The following HNRNPUL1 variants were observed in gnomAD, a reference collection of about 807,000 sequenced individuals.
HNRNPUL1 encodes the protein heterogeneous nuclear ribonucleoprotein U like 1.
A neutral mutation model predicts 108.5 loss-of-function variants in HNRNPUL1; 14 were observed. The observed-to-expected ratio is 0.13, with a 90% CI of 0.09 to 0.20. The LOEUF is 0.20. HNRNPUL1 is among the 10% of genes least tolerant of loss of function. HNRNPUL1 has a pLI of 1.00. For synonymous variants in HNRNPUL1, 422 were observed against 445.2 expected (o/e 0.95, Z 0.66); for missense variants, 804 against 1,168.3 (o/e 0.69, Z 4.55).
rs900258268 is a variant in HNRNPUL1, at chr19:41,307,038, TA to T, written c.*485del. ...CAGGATTAAAAAAAAAATCAAAACT[TA>T]AAAAAAAAAAAGTTTAAAAAGCAAA... On this transcript the variant is annotated 3_prime_UTR_variant, in exon 15 of 15. Transcript: ENST00000392006. 2.2e-3 allele frequency: 323 copies of T among 144,654 alleles called. No individual in the cohort carries two copies. The highest frequency in any genetic ancestry group is 3.7e-3 in the African/African-American group (145 of 39,472). 9.0% of individuals were successfully genotyped at this position (144,654 alleles called of 1,614,324 possible).
At chr19:41,295,855 T>A (rs1385380191) in intron 10 of HNRNPUL1, among the ~76,000 whole-genome samples, 1 of 152,220 alleles carries the variant, frequency 6.6e-6, no homozygotes, top group Non-Finnish European at 1.5e-5. Flanking sequence ...ATGAGGATCC[T>A]ACACAAAACA....
At position 41,284,714 on chromosome 19, in the gene HNRNPUL1, C is replaced by A. The variant is rs574154095; in HGVS notation, c.999+3439C>A. 3.5e-4 allele frequency among the ~76,000 whole-genome samples: 53 copies of A among 151,068 alleles called. 2 individuals are homozygous for A. The South Asian group carries it at 9.9e-3, about 28-fold the overall frequency. On this transcript the variant is annotated intron_variant, in intron 7 of 14. Coordinates refer to ENST00000392006, the MANE Select transcript of HNRNPUL1 (RefSeq NM_007040.6). ...ACAGAGTTGCTATAAGAAAGGCATA[C>A]CTGCCGGGCACGGTGGCTCACGCCT...
intron 7 of HNRNPUL1, 109 bp downstream of exon 7, chr19:41,281,384 A>G: frequency 1.4e-6 from 1 of 692,656 alleles, no homozygotes. Context: ...CACTCTCGCC[A>G]TACTTCTTTG....
rs12974420 is a variant in HNRNPUL1 at position 41,292,755 on chromosome 19, A to G, written c.1266+244A>G. Among the ~76,000 whole-genome samples the G allele has an allele frequency of 0.14, 20,922 of 152,154 alleles. 1,669 individuals carry two copies. The highest frequency in any genetic ancestry group is 0.27 in the East Asian group (1,413 of 5,164). ...CTCAGAAAGATTGCATCTTCTTCTTAAGTGAGGCCAGAATAGGGGAAAAGG... is the reference window on the plus strand; with the variant it reads ...CTCAGAAAGATTGCATCTTCTTCTTGAGTGAGGCCAGAATAGGGGAAAAGG... On this transcript the variant is annotated intron_variant, in intron 8 of 14. Coordinates refer to ENST00000392006, the MANE Select transcript of HNRNPUL1 (RefSeq NM_007040.6). This position sits in a 1 kb window ranked among gnomAD's most constrained non-coding sequence, Gnocchi z 4.1.
chr19:41,264,361 T>G (rs2034668013), upstream of HNRNPUL1: 1 of 606,882 alleles, frequency 1.6e-6, no homozygotes, highest in Non-Finnish European at 2.5e-6. Flanking sequence ...GGGGAGGCGG[T>G]GGCGGCGGCC....
At chr19:41,285,444 A>G (rs542372695) in intron 7 of HNRNPUL1, among the ~76,000 whole-genome samples, 207 of 152,204 alleles carry the variant, frequency 1.4e-3, no homozygotes, top group African/African-American at 4.6e-3. Context: ...AGCTCAAGCA[A>G]TCCGCCCTCC....
At chr19:41,305,120 A>G (rs572415784) in intron 13 of HNRNPUL1, among the ~76,000 whole-genome samples, 2 of 152,324 alleles carry the variant, frequency 1.3e-5, no homozygotes, top group East Asian at 1.9e-4. Flanking sequence ...TCCTTGGCCC[A>G]GAAATTTCAT....
rs1165344221 is a variant in HNRNPUL1, at chr19:41,294,296, A to G, written c.1267-42A>G. ...AGTCACCACCGAGCCAAGTGGTGCCATACCACCATGCCGCAACACCTTCCC... is the reference window on the plus strand; with the variant it reads ...AGTCACCACCGAGCCAAGTGGTGCCGTACCACCATGCCGCAACACCTTCCC... On this transcript the variant is annotated intron_variant, in intron 8 of 14. Transcript: ENST00000392006. The surrounding 1 kb of genome is among the most constrained non-coding windows in gnomAD (Gnocchi z 4.3). 1.9e-6 allele frequency: 3 copies of G among 1,608,860 alleles called. No homozygotes were observed. The highest frequency in any genetic ancestry group is 1.7e-5 in the Admixed American group (1 of 59,826).
chr19:41,289,375 G>C (rs1017353342), intron 7 of HNRNPUL1, among the ~76,000 whole-genome samples: 1 of 152,150 alleles, frequency 6.6e-6, no homozygotes, highest in African/African-American at 2.4e-5. Context: ...CTTCCAAGTG[G>C]AGAACAGAAT....
At position 41,302,669 on chromosome 19, in the gene HNRNPUL1, C is replaced by T. The variant is rs1415602528; in HGVS notation, c.1692C>T (p.Asn564=). ...GGGGCACTTCCTTCCTCCTAGCCAA[C>T]TTCACGTTGCCAGATGTTGGGGACT... is the stretch of plus-strand genomic sequence containing the variant. ...PDHAVLEMKA[N]FTLPDVGDFL... Residue 564 remains asparagine, a synonymous_variant, in exon 12 of 15, where the codon AAC becomes AAT. Transcript: ENST00000392006. 1 of 1,614,234 alleles carries T rather than the reference C, an allele frequency of 6.2e-7. No homozygotes were observed. Among genetic ancestry groups the T allele is most frequent in the Non-Finnish European group, 8.5e-7 (1 of 1,180,042 alleles).
At chr19:41,265,207 C>T (rs2122354930) in intron 1 of HNRNPUL1, 1 of 1,495,434 alleles carries the variant, frequency 6.7e-7, no homozygotes. Flanking sequence ...GCTAGCCCAG[C>T]GTGTGGGCTG....
intron 7 of HNRNPUL1, among the ~76,000 whole-genome samples, chr19:41,290,315 T>C (rs183608307): frequency 6.6e-6 from 1 of 152,118 alleles, no homozygotes; most frequent in African/African-American, 2.4e-5. Flanking sequence ...TTTAAAAATA[T>C]AAATTTTAAA....
At chr19:41,277,882 G>A (rs1465027975) in intron 5 of HNRNPUL1, among the ~76,000 whole-genome samples, 1 of 151,970 alleles carries the variant, frequency 6.6e-6, no homozygotes, top group Non-Finnish European at 1.5e-5. Context: ...TGTCTGAAAA[G>A]CCAGTGAGGC....
Position 41,273,984 on chromosome 19 carries a change from G to A in HNRNPUL1, c.575G>A (p.Gly192Asp), listed in dbSNP as rs1211217767. ...GYFEHREDRRGRSPQPPAEED... is the reference protein window; with the variant it reads ...GYFEHREDRRDRSPQPPAEED... ...CTTAACCCCTGTTTCTAATACAGGGGCCGCTCTCCTCAGCCTCCTGCTGAA... is the reference window on the plus strand; with the variant it reads ...CTTAACCCCTGTTTCTAATACAGGGACCGCTCTCCTCAGCCTCCTGCTGAA... Residue 192 changes from glycine (G) to aspartate (D), a missense_variant and splice_region_variant, in exon 4 of 15, where the codon GGC (glycine) becomes GAC (aspartate). Gly to Asp is a moderately conservative substitution (Grantham distance 94). Around this residue, in one of 4 missense-constraint regions of HNRNPUL1, gnomAD observed 174 missense variants for 296.6 expected, o/e 0.59. Coordinates refer to ENST00000392006, the MANE Select transcript of HNRNPUL1 (RefSeq NM_007040.6). The A allele has an allele frequency of 6.2e-7, 1 of 1,613,456 alleles. No homozygotes were observed. Among genetic ancestry groups the A allele is most frequent in the East Asian group, 2.2e-5 (1 of 44,902 alleles).
rs543605808 is a variant in HNRNPUL1, at chr19:41,277,346, G to C, written c.786+1048G>C. Reference sequence around the variant, plus strand: ...ATCCTCACAGTACCATCTGGAAACAGGTACTGTTAGCCCCAGTTTTTAGAG... The same window carrying C: ...ATCCTCACAGTACCATCTGGAAACACGTACTGTTAGCCCCAGTTTTTAGAG... On this transcript the variant is annotated intron_variant, in intron 5 of 14. Coordinates refer to ENST00000392006, the MANE Select transcript of HNRNPUL1 (RefSeq NM_007040.6). 2.6e-5 allele frequency among the ~76,000 whole-genome samples: 4 copies of C among 152,258 alleles called. No homozygotes were observed. The East Asian group carries it at 7.7e-4, about 29-fold the overall frequency.
At chr19:41,304,557 A>T (rs905121880) in intron 13 of HNRNPUL1, among the ~76,000 whole-genome samples, 3 of 152,250 alleles carry the variant, frequency 2.0e-5, no homozygotes, top group African/African-American at 7.2e-5. Flanking sequence ...CAAGTACATT[A>T]TTCTTGGCTA....
chr19:41,274,170 A>G (rs1473365294), intron 4 of HNRNPUL1, 115 bp downstream of exon 4: 14 of 841,944 alleles, frequency 1.7e-5, no homozygotes, highest in East Asian at 4.9e-5. Context: ...GTTAGTCCAC[A>G]TGTGAGACAC....
At chr19:41,272,313 G>A in intron 3 of HNRNPUL1, 78 bp downstream of exon 3, 2 of 1,425,980 alleles carry the variant, frequency 1.4e-6, no homozygotes, top group Non-Finnish European at 1.9e-6. Context: ...GGGGACATTT[G>A]CACTAACCTA....
intron 2 of HNRNPUL1, among the ~76,000 whole-genome samples, chr19:41,271,539 A>T (rs557780060): frequency 2.4e-4 from 36 of 152,304 alleles, no homozygotes; most frequent in African/African-American, 8.7e-4. Flanking sequence ...TGTGGGAGAA[A>T]TGAAGGTAGC....
Sources: gnomAD v4.1 joint callset for allele counts (sites outside exome capture counted in the v4.1 genomes callset) on GRCh38, gnomAD v4.1.1 for gene constraint, gnomAD v4.1.1 regional missense constraint, Gnocchi (gnomAD v3.1) non-coding constraint, MANE v1.5 for transcripts, NCBI Gene and HGNC (gene_info 2026-07-23, HGNC 2026-07-21) for gene names.